The following CCT7 variants were observed in gnomAD, a reference collection of about 807,000 sequenced individuals.
CCT7 encodes the protein T-complex protein 1 subunit eta.
Under a neutral mutation model 56.6 loss-of-function variants are expected in CCT7, and 16 were observed. The ratio of observed to expected loss-of-function variants is 0.28; its 90% CI spans 0.19 to 0.43. CCT7 has a LOEUF of 0.43. Among genes scored for constraint, CCT7 ranks in the 20% least tolerant of loss-of-function variants. The pLI is 1.00. For missense variants in CCT7, 519 were observed against 685.6 expected, an observed-to-expected ratio of 0.76 and a Z score of 2.71; for synonymous variants, 262 against 254.8, an observed-to-expected ratio of 1.03 and a Z score of -0.27.
At chr2:73,244,094 G>T (rs373353976) in intron 5 of CCT7, 45 bp downstream of exon 5, 277 of 1,556,762 alleles carry the variant, frequency 1.8e-4, no homozygotes, top group Middle Eastern at 5.1e-4. Context: ...AAGAGACGGA[G>T]CCTTGCTGTA....
chr2:73,234,535 G>C, intron 1 of CCT7, 151 bp downstream of exon 1: 1 of 958,502 alleles, frequency 1.0e-6, no homozygotes, highest in Admixed American at 2.2e-5. Flanking sequence ...CCAGCCAGCC[G>C]CGGCCTGGCT....
chr2:73,234,945 A>G (rs922279717), intron 1 of CCT7, among the ~76,000 whole-genome samples: 2 of 152,192 alleles, frequency 1.3e-5, no homozygotes, highest in Non-Finnish European at 2.9e-5. Flanking sequence ...TCGCTCAGTC[A>G]TTAAATAAAC....
rs2231431 is a variant in CCT7, at chr2:73,248,910, G to A, written c.784-81G>A. 2,128 of 1,089,920 alleles carry A rather than the reference G, an allele frequency of 2.0e-3. 35 individuals carry two copies. The African/African-American group carries it at 0.027, about 14-fold the overall frequency. The allele number at this position is 1,089,920 out of a possible 1,614,324, so 67.5% of individuals were successfully genotyped here. ...TGAATCAGCATGTTTTATTTGGTGG[G>A]GGCAGATGGGTATATTTTACCCTAC... On this transcript the variant is annotated intron_variant, in intron 7 of 11. Transcript: ENST00000258091.
At chr2:73,234,644 T>G (rs182930431) in intron 1 of CCT7, among the ~76,000 whole-genome samples, 1 of 152,330 alleles carries the variant, frequency 6.6e-6, no homozygotes, top group East Asian at 1.9e-4. Context: ...CCAGGGTGCT[T>G]CGGGCCCGCG....
intron 6 of CCT7, among the ~76,000 whole-genome samples, chr2:73,246,423 C>T (rs546222652): frequency 2.0e-5 from 3 of 152,340 alleles, no homozygotes; most frequent in South Asian, 4.1e-4. Flanking sequence ...CATTTTACCT[C>T]GTGATTTCCT....
chr2:73,239,396 A>T, intron 1 of CCT7: 4 of 418,496 alleles, frequency 9.6e-6, no homozygotes, highest in African/African-American at 4.1e-5. Context: ...TTTTTCTTTT[A>T]GATTAGGTCA....
intron 6 of CCT7, among the ~76,000 whole-genome samples, chr2:73,247,285 A>C (rs1193561636): frequency 6.6e-6 from 1 of 152,060 alleles, no homozygotes; most frequent in East Asian, 1.9e-4. Context: ...GTGGGGGTGG[A>C]GGGTGCAGTG....
intron 4 of CCT7, 122 bp from the exon 5 acceptor site, chr2:73,243,875 G>C (rs1308237580): frequency 4.8e-6 from 4 of 828,550 alleles, no homozygotes; most frequent in Non-Finnish European, 8.0e-6. Context: ...TGTTTTTTCA[G>C]CTGTAGAGTA....
chr2:73,246,531 T>A (rs1386059388), intron 6 of CCT7, among the ~76,000 whole-genome samples: 1 of 152,258 alleles, frequency 6.6e-6, no homozygotes, highest in East Asian at 1.9e-4. Flanking sequence ...TATTTACTAT[T>A]TGCAGGGTGA....
rs770812191 is a variant in CCT7 at position 73,244,069 on chromosome 2, T to G, written c.446+20T>G. On this transcript the variant is annotated intron_variant, in intron 5 of 11. Coordinates refer to ENST00000258091, the MANE Select transcript of CCT7 (RefSeq NM_006429.4). Reference sequence around the variant, plus strand: ...TAAAGTGTAAGTCTGTAGTGGGTTTTTTTTTTTTTTTTTAAAGAGACGGAG... The same window carrying G: ...TAAAGTGTAAGTCTGTAGTGGGTTTGTTTTTTTTTTTTTAAAGAGACGGAG... 1.9e-6 allele frequency: 3 copies of G among 1,582,896 alleles called. No homozygotes were observed. The highest frequency in any genetic ancestry group is 2.3e-5 in the East Asian group (1 of 44,286).
In CCT7 at chr2:73,234,366, A is replaced by G; in HGVS notation, c.-13A>G. ...AGAGGGGAGAGTGGCGGGCCGCTGA[A>G]TAAGCTTCCAAAATGATGGTGAGTG... On this transcript the variant is annotated 5_prime_UTR_variant, in exon 1 of 12. Coordinates refer to ENST00000258091, the MANE Select transcript of CCT7 (RefSeq NM_006429.4). The G allele has an allele frequency of 1.2e-6, 2 of 1,613,506 alleles. No homozygotes were observed. Among genetic ancestry groups the G allele is most frequent in the Non-Finnish European group, 1.7e-6 (2 of 1,179,954 alleles).
rs182088510 is a variant in CCT7 at position 73,239,794 on chromosome 2, G to A, written c.158G>A (p.Arg53Lys). Reference protein sequence around the residue: ...RGMDKLIVDGRGKATISNDGA... With the variant: ...RGMDKLIVDGKGKATISNDGA... ...ATGGACAAGCTTATTGTAGATGGCA[G>A]AGGTAAGTCTACAGAGTTCCTCAGG... is the stretch of plus-strand genomic sequence containing the variant. Residue 53 changes from arginine to lysine, a missense_variant and splice_region_variant, in exon 2 of 12, where the codon AGA (arginine) becomes AAA (lysine). Physicochemically the swap from Arg to Lys is conservative, Grantham distance 26 (BLOSUM62 2). Coordinates refer to ENST00000258091, the MANE Select transcript of CCT7 (RefSeq NM_006429.4). The A allele has an allele frequency of 2.5e-6, 4 of 1,613,880 alleles. No individual in the cohort carries two copies. Among genetic ancestry groups the A allele is most frequent in the East Asian group, 2.2e-5 (1 of 44,884 alleles).
chr2:73,239,702 T>C lies in CCT7; in HGVS notation c.66T>C (p.Leu22=), dbSNP rs1353324332. 1 of 1,613,928 alleles carries C rather than the reference T, an allele frequency of 6.2e-7. No homozygotes were observed. The highest frequency in any genetic ancestry group is 1.7e-5 in the Admixed American group (1 of 60,026). The change falls in exon 2 of 12, where the codon CTT becomes CTC. Residue 22 remains leucine, a synonymous_variant. Coordinates refer to ENST00000258091, the MANE Select transcript of CCT7 (RefSeq NM_006429.4). ...ATAGCTCCCAAGGCATCCCCCAGCT[T>C]GTGAGTAACATCAGTGCCTGCCAGG... is the stretch of plus-strand genomic sequence containing the variant. ...GTDSSQGIPQ[L]VSNISACQVI...
At chr2:73,248,382 G>A (rs578102393) in intron 7 of CCT7, among the ~76,000 whole-genome samples, 2 of 150,892 alleles carry the variant, frequency 1.3e-5, no homozygotes, top group African/African-American at 2.4e-5. Context: ...ACGGAGTCTC[G>A]CTCTGTTGCC....
At chr2:73,237,833 C>T (rs1358867566) in intron 1 of CCT7, 1 of 152,140 alleles carries the variant, frequency 6.6e-6, no homozygotes, top group South Asian at 2.1e-4. Context: ...AAGGCTGAGG[C>T]AGGAGGGTTG....
intron 5 of CCT7, 149 bp downstream of exon 5, chr2:73,244,198 C>A: frequency 1.3e-6 from 1 of 791,510 alleles, no homozygotes; most frequent in Non-Finnish European, 2.0e-6. Context: ...CCGTGTCAGG[C>A]CTTTGTCAGA....
intron 7 of CCT7, among the ~76,000 whole-genome samples, chr2:73,248,551 C>T (rs1001845787): frequency 3.3e-5 from 5 of 152,036 alleles, no homozygotes; most frequent in Non-Finnish European, 4.4e-5. Flanking sequence ...GACAGGGTTT[C>T]ACCATGTTGG....
chr2:73,248,349 G>T (rs1687432965), intron 7 of CCT7, among the ~76,000 whole-genome samples: 1 of 149,330 alleles, frequency 6.7e-6, no homozygotes, highest in Non-Finnish European at 1.5e-5. Flanking sequence ...TGGGGAAGGG[G>T]TCTTTTTTTT....
In CCT7 at chr2:73,249,074, C is replaced by G; in HGVS notation, c.867C>G (p.Val289=). ...TCCATCATTCTGGAGCCAAAGTTGTCTTGTCCAAACTCCCCATTGGGGATG... is the reference window on the plus strand; with the variant it reads ...TCCATCATTCTGGAGCCAAAGTTGTGTTGTCCAAACTCCCCATTGGGGATG... The part of the protein sequence containing the change: ...EKIHHSGAKV[V]LSKLPIGDVA... The change falls in exon 8 of 12, where the codon GTC becomes GTG. Residue 289 remains valine, a synonymous_variant. Coordinates refer to ENST00000258091, the MANE Select transcript of CCT7 (RefSeq NM_006429.4). 1 of 1,614,194 alleles carries G rather than the reference C, an allele frequency of 6.2e-7. No individual in the cohort carries two copies. The highest frequency in any genetic ancestry group is 1.1e-5 in the South Asian group (1 of 91,078).
Sources: gnomAD v4.1 joint callset for allele counts (sites outside exome capture counted in the v4.1 genomes callset) on GRCh38, gnomAD v4.1.1 for gene constraint, MANE v1.5 for transcripts, NCBI Gene and HGNC (gene_info 2026-07-23, HGNC 2026-07-21) for gene names.